KIAA1217: variants seen among roughly 807,000 people sequenced by gnomAD.
KIAA1217 encodes the protein sickle tail protein homolog.
KIAA1217 carries 88 observed loss-of-function variants against 163.9 expected under a neutral mutation model. That is an observed-to-expected ratio of 0.54 (90% CI 0.45 to 0.64). KIAA1217 has a LOEUF of 0.64. KIAA1217 is among the 30% of genes least tolerant of loss of function. The pLI, the probability that KIAA1217 is intolerant of heterozygous loss-of-function variation, is 0.00. For missense variants in KIAA1217, 2,372 were observed against 2,475.0 expected, an observed-to-expected ratio of 0.96 and a Z score of 0.88; for synonymous variants, 903 against 923.1, an observed-to-expected ratio of 0.98 and a Z score of 0.39.
rs1179881347 is a variant in KIAA1217, at chr10:24,546,527, C to T, written c.*203C>T. The T allele has an allele frequency of 1.7e-6, 1 of 591,610 alleles. No individual in the cohort carries two copies. The highest frequency in any genetic ancestry group is 1.9e-5 in the African/African-American group (1 of 53,776). The allele number at this position is 591,610 out of a possible 1,614,324, so 36.6% of individuals were successfully genotyped here. ...TCTTTTTACCTAGTTGCTATAGTGTCTACAGTCTATACTCAATACCTATAA... is the reference window on the plus strand; with the variant it reads ...TCTTTTTACCTAGTTGCTATAGTGTTTACAGTCTATACTCAATACCTATAA... On this transcript the variant is annotated 3_prime_UTR_variant, in exon 21 of 21. Transcript: ENST00000376454.
chr10:24,382,980 T>C (rs1375339675), intron 3 of KIAA1217, among the ~76,000 whole-genome samples: 1 of 151,882 alleles, frequency 6.6e-6, no homozygotes, highest in East Asian at 1.9e-4. Context: ...TCAGAGTAGA[T>C]GGGACTACAG....
chr10:24,090,310 G>A (rs1454554732), intron 2 of KIAA1217, among the ~76,000 whole-genome samples: 1 of 141,432 alleles, frequency 7.1e-6, no homozygotes, highest in African/African-American at 2.7e-5. Flanking sequence ...TGAACTACAG[G>A]CATGCACCCT....
intron 2 of KIAA1217, among the ~76,000 whole-genome samples, chr10:24,257,604 G>C (rs2075300464): frequency 6.6e-6 from 1 of 152,146 alleles, no homozygotes; most frequent in African/African-American, 2.4e-5. Context: ...CAACCTCAGG[G>C]AATCAGAGAA....
intron 5 of KIAA1217, among the ~76,000 whole-genome samples, chr10:24,467,573 C>G (rs2063076852): frequency 6.6e-6 from 1 of 152,102 alleles, no homozygotes; most frequent in African/African-American, 2.4e-5. Context: ...CTTTATTTTT[C>G]TGTGTCGGTC....
intron 3 of KIAA1217, among the ~76,000 whole-genome samples, chr10:24,396,365 C>G (rs935824004): frequency 8.5e-5 from 13 of 152,082 alleles, no homozygotes; most frequent in South Asian, 6.2e-4. Flanking sequence ...AAAAAAAATG[C>G]TCACCAAGTA....
chr10:24,452,727 A>G (rs1011301345), intron 5 of KIAA1217, among the ~76,000 whole-genome samples: 3 of 151,856 alleles, frequency 2.0e-5, no homozygotes, highest in Non-Finnish European at 2.9e-5. Flanking sequence ...AGTATTTGCT[A>G]GCACAACAGA....
chr10:24,272,957 T>C (rs2076912811), intron 2 of KIAA1217, among the ~76,000 whole-genome samples: 1 of 152,244 alleles, frequency 6.6e-6, no homozygotes, highest in Admixed American at 6.5e-5. Context: ...AATGAAGTCT[T>C]AGACAGCAGA....
intron 2 of KIAA1217, among the ~76,000 whole-genome samples, chr10:24,062,736 C>T (rs2060778873): frequency 6.6e-6 from 1 of 151,842 alleles, no homozygotes; most frequent in Admixed American, 6.6e-5. Flanking sequence ...AATGGTTGAA[C>T]TAGTTTACAG....
At chr10:23,871,671 A>T (rs1588987444) in intron 1 of KIAA1217, among the ~76,000 whole-genome samples, 1 of 152,070 alleles carries the variant, frequency 6.6e-6, no homozygotes, top group East Asian at 1.9e-4. Flanking sequence ...ATTACAATCC[A>T]CCATGACTTT....
chr10:24,150,794 G>A (rs886349287), intron 2 of KIAA1217, among the ~76,000 whole-genome samples: 11 of 152,074 alleles, frequency 7.2e-5, no homozygotes, highest in Admixed American at 1.3e-4. Flanking sequence ...CTCGGTAGCT[G>A]AATTATCTGA....
upstream of KIAA1217, chr10:24,208,872 C>G (rs539355291): frequency 9.6e-4 from 279 of 289,702 alleles, 2 homozygotes; most frequent in East Asian, 0.011. Flanking sequence ...AGGCCTCCCC[C>G]CCACACCCCC....
At chr10:23,991,468 G>T (rs1175655842) in intron 1 of KIAA1217, among the ~76,000 whole-genome samples, 7 of 152,168 alleles carry the variant, frequency 4.6e-5, no homozygotes, top group African/African-American at 1.4e-4. Flanking sequence ...ATGGATGCAT[G>T]AAGAAGTGAG....
Position 24,380,977 on chromosome 10 carries a change from G to A in KIAA1217, c.463G>A (p.Asp155Asn). The A allele has an allele frequency of 6.2e-7, 1 of 1,608,196 alleles. No homozygotes were observed. The highest frequency in any genetic ancestry group is 1.1e-5 in the South Asian group (1 of 90,266). ...TTCTTTGGAAGCCATGTCTGAGGGG[G>A]ATGCTCCAACCCCTTTTTCCAGAGG... ...ADSLEAMSEG[D>N]APTPFSRGSR... The change falls in exon 3 of 21, where the codon GAT becomes AAT. Residue 155 changes from aspartate to asparagine, a missense_variant. Asp to Asn is a conservative substitution (Grantham distance 23, BLOSUM62 1). Coordinates refer to ENST00000376454, the MANE Select transcript of KIAA1217 (RefSeq NM_019590.5).
At chr10:24,166,895 C>A (rs1025273604) in intron 2 of KIAA1217, among the ~76,000 whole-genome samples, 1 of 151,914 alleles carries the variant, frequency 6.6e-6, no homozygotes, top group Admixed American at 6.6e-5. Flanking sequence ...TATGTATCAA[C>A]AACAAAAAAA....
In KIAA1217 at chr10:24,427,588, A is replaced by G. The variant is rs150810475; in HGVS notation, c.554-5407A>G. Among the ~76,000 whole-genome samples, 664 of 152,316 alleles carry G rather than the reference A, an allele frequency of 4.4e-3. 5 individuals carry two copies. The highest frequency in any genetic ancestry group is 0.015 in the African/African-American group (641 of 41,562). On this transcript the variant is annotated intron_variant, in intron 3 of 20. Transcript: ENST00000376454. ...TCATAGTATCCATCTGACAAGAGAT[A>G]CTGTGCTGATGAGATGAAATACATA... is the stretch of plus-strand genomic sequence containing the variant.
chr10:24,295,133 C>CT lies in KIAA1217; in HGVS notation c.354+75225dup, dbSNP rs1249496461. On this transcript the variant is annotated intron_variant, in intron 2 of 20. Coordinates refer to ENST00000376454, the MANE Select transcript of KIAA1217 (RefSeq NM_019590.5). Reference sequence around the variant, plus strand: ...CTCCTCTTCTGAGAATGAAAAATGACTGAGTATTTTGTGTTAGGTGGGACA... The same window carrying CT: ...CTCCTCTTCTGAGAATGAAAAATGACTTGAGTATTTTGTGTTAGGTGGGACA... Among the ~76,000 whole-genome samples, 41 of 152,304 alleles carry CT rather than the reference C, an allele frequency of 2.7e-4. 2 individuals are homozygous for CT. The highest frequency in any genetic ancestry group is 9.6e-4 in the African/African-American group (40 of 41,566).
intron 2 of KIAA1217, among the ~76,000 whole-genome samples, chr10:24,075,665 G>T (rs950773716): frequency 6.6e-6 from 1 of 151,030 alleles, no homozygotes; most frequent in Non-Finnish European, 1.5e-5. Flanking sequence ...GTGCAATGGC[G>T]GGATCTCAGC....
intron 2 of KIAA1217, among the ~76,000 whole-genome samples, chr10:24,220,180 G>A (rs2069387868): frequency 1.3e-5 from 2 of 152,068 alleles, no homozygotes; most frequent in Non-Finnish European, 2.9e-5. Flanking sequence ...CCCCAAAAGA[G>A]TGTTCCCATG....
intron 5 of KIAA1217, among the ~76,000 whole-genome samples, chr10:24,450,450 T>C (rs2061301619): frequency 6.6e-6 from 1 of 152,212 alleles, no homozygotes; most frequent in Admixed American, 6.5e-5. Context: ...CTTGTTTACT[T>C]GAGATAACTA....
Sources: gnomAD v4.1 joint callset for allele counts (sites outside exome capture counted in the v4.1 genomes callset) on GRCh38, gnomAD v4.1.1 for gene constraint, MANE v1.5 for transcripts, NCBI Gene and HGNC (gene_info 2026-07-23, HGNC 2026-07-21) for gene names.